The following ZNF117 variants were observed in gnomAD, a reference collection of about 807,000 sequenced individuals.
ZNF117 encodes Krueppel-related zinc finger protein.
A neutral mutation model predicts 41.2 loss-of-function variants in ZNF117; 37 were observed. The observed-to-expected ratio is 0.90, with a 90% CI of 0.69 to 1.18. The LOEUF (loss-of-function observed/expected upper bound fraction) is 1.18. Among genes scored for constraint, ZNF117 ranks in the 50% most tolerant of loss-of-function variants. The pLI, the probability that ZNF117 is intolerant of heterozygous loss-of-function variation, is 0.00. For missense variants in ZNF117, 546 were observed against 557.5 expected (o/e 0.98, Z 0.21); for synonymous variants, 186 against 186.6 (o/e 1.00, Z 0.02).
chr7:64,977,946 G>A (rs1199340992), exon 3 of ZNF117: 5 of 1,236,808 alleles, frequency 4.0e-6, no homozygotes, highest in Non-Finnish European at 5.9e-6. Context: ...AGAAAGGGTT[G>A]AAGATTGGTT....
chr7:64,978,694 T>TAAG (rs1785955186), exon 3 of ZNF117: 1 of 1,612,956 alleles, frequency 6.2e-7, no homozygotes. Context: ...TTATGTGTAG[T>TAAG]AAGGGTTGAG....
At chr7:64,986,001 T>G (rs1182682152), upstream of ZNF117, among the ~76,000 whole-genome samples, 2 of 150,156 alleles carry the variant, frequency 1.3e-5, no homozygotes, top group African/African-American at 4.9e-5. Flanking sequence ...CCTTTTTTCA[T>G]GTGGAGAATA....
At chr7:64,979,481 A>G (rs769742082) in exon 3 of ZNF117, 34 of 1,589,050 alleles carry the variant, frequency 2.1e-5, no homozygotes, top group Non-Finnish European at 2.6e-5. Flanking sequence ...CTTTCTGGAA[A>G]GAATCTCTTA....
chr7:64,971,998 G>A (rs1394935846), downstream of ZNF117: 1 of 151,796 alleles, frequency 6.6e-6, no homozygotes, highest in Non-Finnish European at 1.5e-5. Context: ...TACAACAGAA[G>A]ACAAATAACT....
At chr7:64,975,853 C>A (rs1584044123) in exon 3 of ZNF117, 1 of 152,116 alleles carries the variant, frequency 6.6e-6, no homozygotes, top group Admixed American at 6.5e-5. Context: ...TTTACACACA[C>A]TTAATTTTGG....
chr7:64,979,772 C>A (rs1275977208), intron 2 of ZNF117, among the ~76,000 whole-genome samples: 1 of 151,932 alleles, frequency 6.6e-6, no homozygotes, highest in African/African-American at 2.4e-5. Flanking sequence ...ATCACAATTC[C>A]AAAAGCCACA....
chr7:64,988,822 C>A (rs1482674818), intron 1 of ZNF117, among the ~76,000 whole-genome samples: 1 of 152,010 alleles, frequency 6.6e-6, no homozygotes, highest in African/African-American at 2.4e-5. Context: ...AAAGCCAAAT[C>A]AAAAACACAA....
exon 1 of ZNF117, chr7:64,990,889 G>A (rs976934504): frequency 5.2e-6 from 1 of 192,254 alleles, no homozygotes; most frequent in African/African-American, 2.3e-5. Context: ...CCCTTTACTT[G>A]TTTTTCCTTT....
exon 3 of ZNF117, chr7:64,975,862 G>T (rs1255706558): frequency 6.6e-6 from 1 of 151,864 alleles, no homozygotes; most frequent in Non-Finnish European, 1.5e-5. Flanking sequence ...ACTTAATTTT[G>T]GATTAAATTT....
In ZNF117 at chr7:64,989,454, T is replaced by TAC. The variant is rs1163506841; in HGVS notation, c.-196+492_-196+493insGT. 1.6e-3 allele frequency among the ~76,000 whole-genome samples: 39 copies of TAC among 24,548 alleles called. 1 individual carries two copies. The highest frequency in any genetic ancestry group is 4.5e-3 in the Admixed American group (15 of 3,352). 16.1% of individuals were successfully genotyped at this position (24,548 alleles called of 152,430 possible). A position where few individuals can be genotyped will look rare whatever the true frequency, so the allele number is the denominator to read the frequency against. ...TGTAGAACTTAAAATTATATATATA[T>TAC]ATATATATATATATATATATATATA... On this transcript the variant is annotated intron_variant, in intron 1 of 3. Transcript: ENST00000282869.
At chr7:64,985,486 GACA>G (rs1274628728), upstream of ZNF117, among the ~76,000 whole-genome samples, 1 of 152,100 alleles carries the variant, frequency 6.6e-6, no homozygotes, top group African/African-American at 2.4e-5. Flanking sequence ...TACCTTAAAA[GACA>G]ACAAATGGAG....
chr7:64,975,279 C>T (rs1785858485), exon 3 of ZNF117: 1 of 97,124 alleles, frequency 1.0e-5, no homozygotes, highest in Non-Finnish European at 2.2e-5. Flanking sequence ...TTTAAATGTG[C>T]TGCATTTTAT....
exon 3 of ZNF117, chr7:64,979,245 A>G: frequency 6.2e-7 from 1 of 1,608,210 alleles, no homozygotes; most frequent in Non-Finnish European, 8.5e-7. Flanking sequence ...TTTACATTTA[A>G]AATGTTTATT....
At chr7:64,979,215 C>A in exon 3 of ZNF117, 1 of 1,609,364 alleles carries the variant, frequency 6.2e-7, no homozygotes, top group Non-Finnish European at 8.5e-7. Context: ...TGAAAGCATG[C>A]AAAATGTTTT....
rs541471292 is a variant in ZNF117, at chr7:64,979,417, C to A, written c.154G>T (p.Gly52Cys). The A allele has an allele frequency of 4.3e-6, 7 of 1,610,228 alleles. No individual in the cohort carries two copies. The highest frequency in any genetic ancestry group is 2.2e-5 in the East Asian group (1 of 44,770). Residue 52 changes from glycine to cysteine, a missense_variant, in exon 3 of 3, where the codon GGC becomes TGC. By Grantham distance (159) the Gly-to-Cys change is radical. Transcript: ENST00000620222. ...TTACACTCAACCACACTTTTACAGC[C>A]TTTTCTTAACTGTAAATTCTCATAT... is the stretch of plus-strand genomic sequence containing the variant.
At chr7:64,975,581 TG>T in exon 3 of ZNF117, 1 of 27,536 alleles carries the variant, frequency 3.6e-5, no homozygotes, top group East Asian at 7.3e-4. Context: ...CTTTCACATG[TG>T]AATACAATAG....
chr7:64,982,421 T>C (rs1786050101), upstream of ZNF117, among the ~76,000 whole-genome samples: 1 of 152,210 alleles, frequency 6.6e-6, no homozygotes, highest in Non-Finnish European at 1.5e-5. Flanking sequence ...AAATGCTATA[T>C]CTGCATCATA....
At chr7:64,982,137 C>T (rs979991416), upstream of ZNF117, 44 of 807,690 alleles carry the variant, frequency 5.4e-5, no homozygotes, top group Middle Eastern at 2.4e-4. Context: ...CAAAAACACA[C>T]ACATACACAA....
chr7:64,983,459 G>C (rs1786073673), upstream of ZNF117, among the ~76,000 whole-genome samples: 1 of 152,178 alleles, frequency 6.6e-6, no homozygotes, highest in Non-Finnish European at 1.5e-5. Flanking sequence ...TTAAAAAGTA[G>C]TTGAAACAAA....
Sources: gnomAD v4.1 joint callset for allele counts (sites outside exome capture counted in the v4.1 genomes callset) on GRCh38, gnomAD v4.1.1 for gene constraint, MANE v1.5 for transcripts, NCBI Gene and HGNC (gene_info 2026-07-23, HGNC 2026-07-21) for gene names.